RIC1: variants seen among roughly 807,000 people sequenced by gnomAD.
RIC1 encodes RIC1 partner of RAB6A GEF complex.
Under a neutral mutation model 169.0 loss-of-function variants are expected in RIC1, and 88 were observed. The observed-to-expected ratio is 0.52, with a 90% CI of 0.44 to 0.62. RIC1 has a LOEUF of 0.62. Among genes scored for constraint, RIC1 ranks in the 20% least tolerant of loss-of-function variants. The pLI is 0.00. For missense variants in RIC1, 1,877 were observed against 1,725.5 expected (o/e 1.09, Z -1.56); for synonymous variants, 790 against 601.5 (o/e 1.31, Z -4.59).
chr9:5,753,466 A>C (rs1825835829), intron 13 of RIC1, 70 bp from the exon 14 acceptor site: 7 of 965,382 alleles, frequency 7.3e-6, no homozygotes, highest in Non-Finnish European at 9.6e-6. Context: ...CTGACACAAT[A>C]CTAAGCTCTT....
At chr9:5,706,755 T>G (rs1383163934) in intron 3 of RIC1, among the ~76,000 whole-genome samples, 1 of 152,208 alleles carries the variant, frequency 6.6e-6, no homozygotes, top group Non-Finnish European at 1.5e-5. Flanking sequence ...CAATATTCTC[T>G]TATAACCCAT....
rs1418871197 is a variant in RIC1, at chr9:5,774,054, A to G, written c.4080A>G (p.Pro1360=). 6.2e-7 allele frequency: 1 copy of G among 1,614,060 alleles called. No individual in the cohort carries two copies. Among genetic ancestry groups the G allele is most frequent in the Non-Finnish European group, 8.5e-7 (1 of 1,179,970 alleles). Residue 1360 remains proline, a synonymous_variant, in exon 26 of 26, where the codon CCA becomes CCG. Coordinates refer to ENST00000414202, the MANE Select transcript of RIC1 (RefSeq NM_020829.4). ...EEQVQPDAFQ[P]ITMGKTPEQT... ...AGGTCCAGCCAGATGCCTTCCAACC[A>G]ATAACTATGGGTAAGACTCCAGAAC...
intron 2 of RIC1, among the ~76,000 whole-genome samples, chr9:5,687,714 C>T (rs998623411): frequency 1.3e-5 from 2 of 151,988 alleles, no homozygotes; most frequent in Non-Finnish European, 2.9e-5. Flanking sequence ...CGGTATAAAC[C>T]CCAGCATACA....
intron 11 of RIC1, among the ~76,000 whole-genome samples, chr9:5,746,500 T>C (rs1266917308): frequency 1.3e-5 from 2 of 152,072 alleles, no homozygotes; most frequent in African/African-American, 4.8e-5. Flanking sequence ...TAGAGATTGA[T>C]TGTAGGGCTC....
chr9:5,690,565 C>CTT (rs5896126), intron 3 of RIC1, among the ~76,000 whole-genome samples: 151 of 144,286 alleles, frequency 1.0e-3, no homozygotes, highest in Admixed American at 1.8e-3. Context: ...AGCATTCCAT[C>CTT]TTTTTTTTTT....
At chr9:5,726,618 C>T (rs1291238777) in intron 6 of RIC1, among the ~76,000 whole-genome samples, 2 of 152,154 alleles carry the variant, frequency 1.3e-5, no homozygotes, top group Non-Finnish European at 2.9e-5. Context: ...GGTTATTTTG[C>T]ACATTAGTTG....
chr9:5,717,892 G>A (rs145005563), intron 4 of RIC1, among the ~76,000 whole-genome samples: 2,755 of 149,578 alleles, frequency 0.018, 40 homozygotes, highest in Non-Finnish European at 0.029. Flanking sequence ...TGTAATCCCA[G>A]CACTTTGGAG....
intron 2 of RIC1, among the ~76,000 whole-genome samples, chr9:5,683,709 G>T (rs916560360): frequency 1.3e-5 from 2 of 152,206 alleles, no homozygotes; most frequent in African/African-American, 4.8e-5. Context: ...AGAGGTTACT[G>T]CTGCCTTTTG....
At chr9:5,726,538 A>G (rs1016631117) in intron 6 of RIC1, among the ~76,000 whole-genome samples, 4 of 152,202 alleles carry the variant, frequency 2.6e-5, no homozygotes, top group Non-Finnish European at 4.4e-5. Context: ...TAATCGGAGC[A>G]TTTAGTCCAT....
rs1826012993 is a variant in RIC1 at position 5,756,331 on chromosome 9, C to G, written c.1812C>G (p.Asp604Glu). ...ACATGGTAATAGTATTTAGAGCAGA[C>G]TGTTCAATATGCCTTTACAGTATTG... ...FQDMVIVFRA[D>E]CSICLYSIER... The change falls in exon 16 of 26, where the codon GAC (aspartate) becomes GAG (glutamate). Residue 604 changes from aspartate to glutamate, a missense_variant. Asp to Glu is a conservative substitution (Grantham distance 45). Coordinates refer to ENST00000414202, the MANE Select transcript of RIC1 (RefSeq NM_020829.4). The G allele has an allele frequency of 6.4e-7, 1 of 1,574,460 alleles. No individual in the cohort carries two copies.
intron 2 of RIC1, among the ~76,000 whole-genome samples, chr9:5,683,494 C>A (rs996228960): frequency 6.6e-6 from 1 of 152,142 alleles, no homozygotes; most frequent in African/African-American, 2.4e-5. Flanking sequence ...GCTGCCTGAT[C>A]GTTGCTCTGG....
chr9:5,690,663 A>G (rs986903576), intron 3 of RIC1, among the ~76,000 whole-genome samples: 2 of 151,796 alleles, frequency 1.3e-5, no homozygotes, highest in African/African-American at 4.8e-5. Context: ...TAATAGGTAT[A>G]TAAGAAATTA....
At position 5,747,347 on chromosome 9, in the gene RIC1, T is replaced by G; in HGVS notation, c.1294T>G (p.Leu432Val). The G allele has an allele frequency of 6.2e-7, 1 of 1,614,094 alleles. No individual in the cohort carries two copies. Residue 432 changes from leucine (L) to valine (V), a missense_variant, in exon 12 of 26, where the codon TTG (leucine) becomes GTG (valine). By Grantham distance (32) the Leu-to-Val change is conservative (BLOSUM62 1). Transcript: ENST00000414202. Reference protein sequence around the residue: ...VLLQGEDRLYLNCGEASQTQN... With the variant: ...VLLQGEDRLYVNCGEASQTQN... ...GCTTCAGGGTGAGGATCGCTTGTAC[T>G]TGAACTGTGGAGAGGCTTCACAAAC...
intron 11 of RIC1, among the ~76,000 whole-genome samples, chr9:5,746,631 G>T (rs1825393407): frequency 6.6e-6 from 1 of 152,122 alleles, no homozygotes; most frequent in African/African-American, 2.4e-5. Flanking sequence ...AAGTATGTCT[G>T]AGGACTTGCT....
chr9:5,755,947 T>A (rs2131052819), intron 15 of RIC1, among the ~76,000 whole-genome samples: 1 of 150,360 alleles, frequency 6.7e-6, no homozygotes, highest in South Asian at 2.1e-4. Context: ...AATAAATAAA[T>A]AAATAAAGCA....
intron 2 of RIC1, among the ~76,000 whole-genome samples, chr9:5,667,611 C>A (rs1212725726): frequency 6.6e-6 from 1 of 150,546 alleles, no homozygotes; most frequent in Non-Finnish European, 1.5e-5. Context: ...CTTAAGTAAT[C>A]CTCTCCCTCA....
At chr9:5,740,511 C>G (rs1271406989) in intron 8 of RIC1, among the ~76,000 whole-genome samples, 1 of 151,666 alleles carries the variant, frequency 6.6e-6, no homozygotes, top group East Asian at 1.9e-4. Flanking sequence ...TAAATGATCA[C>G]ATGATCACAA....
chr9:5,646,230 G>A (rs1176638857), intron 1 of RIC1, among the ~76,000 whole-genome samples: 2 of 152,126 alleles, frequency 1.3e-5, no homozygotes, highest in East Asian at 3.8e-4. Flanking sequence ...CTTTGAAAGT[G>A]TCCGTTGAAG....
At chr9:5,722,663 C>T (rs1462945194) in intron 6 of RIC1, among the ~76,000 whole-genome samples, 1 of 152,068 alleles carries the variant, frequency 6.6e-6, no homozygotes, top group African/African-American at 2.4e-5. Flanking sequence ...CCCATTAACT[C>T]GTCATTTACA....
Sources: allele counts gnomAD v4.1 joint callset (sites outside exome capture counted in the v4.1 genomes callset), GRCh38; gene constraint gnomAD v4.1.1; transcripts MANE v1.5; gene names NCBI Gene and HGNC (gene_info 2026-07-23, HGNC 2026-07-21).